UMAD1: variants seen among roughly 807,000 people sequenced by gnomAD.
UMAD1 encodes the protein UBAP1-MVB12-associated (UMA) domain containing 1.
UMAD1 carries 8 observed loss-of-function variants against 6.1 expected under a neutral mutation model. That is an observed-to-expected ratio of 1.30 (90% CI 0.76 to 2.35). UMAD1 has a LOEUF of 2.35. Among genes scored for constraint, UMAD1 ranks in the 30% most tolerant of loss-of-function variants. UMAD1 has a pLI of 0.00. For missense variants in UMAD1, 130 were observed against 78.4 expected, an observed-to-expected ratio of 1.66 and a Z score of -2.49; for synonymous variants, 56 against 31.4, an observed-to-expected ratio of 1.78 and a Z score of -2.61.
intron 2 of UMAD1, among the ~76,000 whole-genome samples, chr7:7,681,573 G>A (rs914520504): frequency 3.3e-5 from 5 of 152,094 alleles, no homozygotes; most frequent in African/African-American, 1.2e-4. Flanking sequence ...TCCTATTCAC[G>A]TAAGAAGGTA....
chr7:7,741,992 T>G, intron 2 of UMAD1: 1 of 276,742 alleles, frequency 3.6e-6, no homozygotes, highest in East Asian at 7.9e-5. Flanking sequence ...CTCTGAAAAA[T>G]TTTCATAAAT....
chr7:7,820,262 A>G (rs991464595), intron 3 of UMAD1, among the ~76,000 whole-genome samples: 1 of 152,028 alleles, frequency 6.6e-6, no homozygotes, highest in Non-Finnish European at 1.5e-5. Context: ...AGAATGTTTC[A>G]TTTTCTGACG....
chr7:7,742,380 G>A, intron 2 of UMAD1: 1 of 590,148 alleles, frequency 1.7e-6, no homozygotes, highest in Non-Finnish European at 3.3e-6. Context: ...TATCTGGGCT[G>A]CCTCCGGAGT....
At chr7:7,691,788 C>T (rs1780178183) in intron 2 of UMAD1, among the ~76,000 whole-genome samples, 1 of 152,124 alleles carries the variant, frequency 6.6e-6, no homozygotes, top group Non-Finnish European at 1.5e-5. Context: ...GAAGTGTTTT[C>T]TGATACATGG....
At chr7:7,658,027 T>C (rs984255421) in intron 1 of UMAD1, among the ~76,000 whole-genome samples, 2 of 152,162 alleles carry the variant, frequency 1.3e-5, no homozygotes, top group African/African-American at 2.4e-5. Flanking sequence ...AGGTCCTTCA[T>C]GTCCCTTGTA....
At chr7:7,658,536 A>G (rs991469599) in intron 1 of UMAD1, among the ~76,000 whole-genome samples, 5 of 152,138 alleles carry the variant, frequency 3.3e-5, no homozygotes, top group Admixed American at 6.5e-5. Context: ...GTTGAATTTT[A>G]TCGAAGGCCT....
chr7:7,752,675 G>A (rs1244939271), intron 2 of UMAD1, among the ~76,000 whole-genome samples: 1 of 151,922 alleles, frequency 6.6e-6, no homozygotes, highest in East Asian at 1.9e-4. Flanking sequence ...TTCGTATGTG[G>A]AAAATTGTGT....
intron 2 of UMAD1, among the ~76,000 whole-genome samples, chr7:7,794,496 G>A (rs140022123): frequency 6.6e-6 from 1 of 152,158 alleles, no homozygotes; most frequent in East Asian, 1.9e-4. Flanking sequence ...CCCCCTCTGG[G>A]CCTCAAAAAC....
chr7:7,657,352 G>T lies in UMAD1; in HGVS notation c.-63-15957G>T, dbSNP rs534596794. Reference sequence around the variant, plus strand: ...TTTGTCAATTTTGGCTTTTGTTGCCGTTGCTTTTGGTGTTTTAGTCATGAA... The same window carrying T: ...TTTGTCAATTTTGGCTTTTGTTGCCTTTGCTTTTGGTGTTTTAGTCATGAA... On this transcript the variant is annotated intron_variant, in intron 1 of 3. Coordinates refer to ENST00000682710, the MANE Select transcript of UMAD1 (RefSeq NM_001302348.2). 5.9e-4 allele frequency among the ~76,000 whole-genome samples: 90 copies of T among 152,162 alleles called. No individual in the cohort carries two copies. The South Asian group carries it at 9.1e-3, about 15-fold the overall frequency.
At chr7:7,655,031 G>A (rs143919661) in intron 1 of UMAD1, among the ~76,000 whole-genome samples, 30 of 152,216 alleles carry the variant, frequency 2.0e-4, no homozygotes, top group African/African-American at 7.0e-4. Context: ...TAGAAAATTA[G>A]TAATTCTGGA....
chr7:7,758,247 G>T (rs1331768514), intron 2 of UMAD1, among the ~76,000 whole-genome samples: 4 of 151,706 alleles, frequency 2.6e-5, no homozygotes. Context: ...ACCTTATTTT[G>T]AGAACTAGAG....
rs184784538 is a variant in UMAD1 at position 7,799,810 on chromosome 7, T to C, written c.83-1860T>C. Among the ~76,000 whole-genome samples, 3 of 152,338 alleles carry C rather than the reference T, an allele frequency of 2.0e-5. No homozygotes were observed. The East Asian group carries it at 5.8e-4, about 29-fold the overall frequency. On this transcript the variant is annotated intron_variant, in intron 2 of 3. Coordinates refer to ENST00000682710, the MANE Select transcript of UMAD1 (RefSeq NM_001302348.2). The stretch of plus-strand genomic sequence containing the variant: ...CACTTTCAGACATAGGGGATTTCTT[T>C]TGCCTCACAAATATGTTTTTACAAA...
intron 3 of UMAD1, among the ~76,000 whole-genome samples, chr7:7,856,264 C>G (rs1483708109): frequency 1.3e-5 from 2 of 152,208 alleles, no homozygotes; most frequent in Non-Finnish European, 1.5e-5. Context: ...ATACCCGAGA[C>G]TGCGTAATTA....
At chr7:7,703,362 T>A (rs957770270) in intron 2 of UMAD1, among the ~76,000 whole-genome samples, 4 of 152,216 alleles carry the variant, frequency 2.6e-5, no homozygotes, top group Non-Finnish European at 5.9e-5. Context: ...AGAAGAGATT[T>A]TCCATCTAAT....
chr7:7,871,167 C>G (rs530648391), intron 3 of UMAD1, among the ~76,000 whole-genome samples: 1 of 152,286 alleles, frequency 6.6e-6, no homozygotes, highest in Admixed American at 6.5e-5. Flanking sequence ...TTCAGCCTGT[C>G]TGTAAGATCT....
chr7:7,734,047 G>T (rs1487300628), intron 2 of UMAD1, among the ~76,000 whole-genome samples: 1 of 151,990 alleles, frequency 6.6e-6, no homozygotes, highest in African/African-American at 2.4e-5. Flanking sequence ...TATGTATAAG[G>T]TTATTCTCCC....
rs918349348 is a variant in UMAD1, at chr7:7,830,425, A to G, written c.156+28682A>G. On this transcript the variant is annotated intron_variant, in intron 3 of 3. Transcript: ENST00000682710. The surrounding 1 kb of genome is among the most constrained non-coding windows in gnomAD (Gnocchi z 5.3). ...TCTCTGCTTGAAGCACGTTCATACT[A>G]TATTGATTTTTTACCTCTATTAGGT... Among the ~76,000 whole-genome samples, 2 of 151,948 alleles carry G rather than the reference A, an allele frequency of 1.3e-5. No individual in the cohort carries two copies. The highest frequency in any genetic ancestry group is 6.6e-5 in the Admixed American group (1 of 15,238).
At chr7:7,862,539 C>T (rs893446823) in intron 3 of UMAD1, among the ~76,000 whole-genome samples, 1 of 152,160 alleles carries the variant, frequency 6.6e-6, no homozygotes, top group African/African-American at 2.4e-5. Flanking sequence ...CAAGGGATAT[C>T]AAGTTCTTCA....
At chr7:7,851,702 C>T (rs527656375) in intron 3 of UMAD1, among the ~76,000 whole-genome samples, 3 of 152,232 alleles carry the variant, frequency 2.0e-5, no homozygotes, top group South Asian at 4.1e-4. Context: ...GAAATGTCTA[C>T]TCATATCCTT....
Sources: gnomAD v4.1 joint callset for allele counts (sites outside exome capture counted in the v4.1 genomes callset) on GRCh38, gnomAD v4.1.1 for gene constraint, Gnocchi (gnomAD v3.1) non-coding constraint, MANE v1.5 for transcripts, NCBI Gene and HGNC (gene_info 2026-07-23, HGNC 2026-07-21) for gene names.